The following PTGER3 variants were observed in gnomAD, a reference collection of about 807,000 sequenced individuals.
PTGER3 encodes prostaglandin E2 receptor EP3 subtype.
Under a neutral mutation model 34.7 loss-of-function variants are expected in PTGER3, and 22 were observed. That is an observed-to-expected ratio of 0.63 (90% CI 0.45 to 0.91). The LOEUF is 0.91. PTGER3 is among the 40% of genes least tolerant of loss of function. The pLI is 0.00. For synonymous variants in PTGER3, 241 were observed against 230.1 expected, an observed-to-expected ratio of 1.05 and a Z score of -0.43; for missense variants, 468 against 519.4, an observed-to-expected ratio of 0.90 and a Z score of 0.96.
chr1:71,001,268 G>A (rs532658601), intron 2 of PTGER3, among the ~76,000 whole-genome samples: 2 of 151,830 alleles, frequency 1.3e-5, no homozygotes, highest in Admixed American at 6.6e-5. Context: ...ACACAAATAA[G>A]CACAAGTGTA....
intron 3 of PTGER3, among the ~76,000 whole-genome samples, chr1:70,972,657 T>A (rs924959308): frequency 2.6e-5 from 4 of 152,126 alleles, no homozygotes; most frequent in African/African-American, 9.7e-5. Context: ...TAAGCTACAG[T>A]GTATTATTTA....
At chr1:70,872,154 T>G (rs975265484) in intron 4 of PTGER3, among the ~76,000 whole-genome samples, 1 of 152,158 alleles carries the variant, frequency 6.6e-6, no homozygotes, top group Non-Finnish European at 1.5e-5. Flanking sequence ...TTCCCATGAG[T>G]TTGAGGTTTA....
chr1:70,933,043 T>C (rs889724009), intron 4 of PTGER3, among the ~76,000 whole-genome samples: 1 of 152,180 alleles, frequency 6.6e-6, no homozygotes, highest in African/African-American at 2.4e-5. Context: ...TATTGTGTTA[T>C]AATTATTTAA....
chr1:71,004,286 G>C (rs1656744356), intron 2 of PTGER3, among the ~76,000 whole-genome samples: 2 of 152,052 alleles, frequency 1.3e-5, no homozygotes, highest in Non-Finnish European at 2.9e-5. Flanking sequence ...AGTGTGGTAG[G>C]TAAACCCATC....
intron 2 of PTGER3, chr1:70,997,201 G>C (rs1297234387): frequency 6.6e-6 from 1 of 152,214 alleles, no homozygotes; most frequent in Admixed American, 6.5e-5. Context: ...GAACCTGGGA[G>C]GTGAAAGATG....
rs1380364459 is a variant in PTGER3, at chr1:70,930,198, G to C, written c.*23+23565C>G. ...TTTGCAACACAGCTGTGTGGGACTG[G>C]GAACAAGAGGTGACTGAAGTTGGGG... On this transcript the variant is annotated intron_variant, in intron 4 of 4. Transcript: ENST00000370931. Among the ~76,000 whole-genome samples the C allele has an allele frequency of 2.0e-5, 3 of 152,154 alleles. No individual in the cohort carries two copies. In the East Asian group the frequency reaches 5.8e-4, roughly 29 times the overall value.
intron 4 of PTGER3, among the ~76,000 whole-genome samples, chr1:70,912,926 A>C (rs947001091): frequency 6.6e-6 from 1 of 151,970 alleles, no homozygotes; most frequent in Admixed American, 6.6e-5. Context: ...TTTGGAGTCA[A>C]GTAGTATAAG....
intron 4 of PTGER3, among the ~76,000 whole-genome samples, chr1:70,942,922 G>C (rs1347884686): frequency 6.6e-6 from 1 of 152,102 alleles, no homozygotes. Context: ...GTTGATTTTA[G>C]ACTTTTCACC....
At chr1:70,913,998 T>C (rs1449217863) in intron 4 of PTGER3, among the ~76,000 whole-genome samples, 15 of 151,900 alleles carry the variant, frequency 9.9e-5, no homozygotes, top group Non-Finnish European at 1.9e-4. Context: ...GCCAGCTTTA[T>C]AGAATGAGTT....
At chr1:71,011,544 A>G in intron 2 of PTGER3, 1 of 985,156 alleles carries the variant, frequency 1.0e-6, no homozygotes, top group Non-Finnish European at 1.2e-6. Flanking sequence ...AAAAGAAAGA[A>G]TAATTAGCAA....
intron 4 of PTGER3, among the ~76,000 whole-genome samples, chr1:70,861,525 A>G (rs1057312517): frequency 2.0e-5 from 3 of 152,204 alleles, no homozygotes; most frequent in Admixed American, 6.5e-5. Context: ...TTGCTAGGCT[A>G]CTTGCTTTTC....
At chr1:70,876,784 C>T (rs183588614) in intron 4 of PTGER3, among the ~76,000 whole-genome samples, 49 of 152,102 alleles carry the variant, frequency 3.2e-4, no homozygotes, top group African/African-American at 6.7e-4. Context: ...GCTTTACTTC[C>T]GGGCTTTCTA....
At chr1:70,893,934 A>C (rs183957921) in intron 4 of PTGER3, among the ~76,000 whole-genome samples, 18 of 152,342 alleles carry the variant, frequency 1.2e-4, no homozygotes, top group Non-Finnish European at 2.4e-4. Context: ...TAATCTACAC[A>C]TAACAGCCTT....
At chr1:70,902,868 A>T (rs990741270) in intron 4 of PTGER3, among the ~76,000 whole-genome samples, 6 of 152,152 alleles carry the variant, frequency 3.9e-5, no homozygotes, top group Non-Finnish European at 8.8e-5. Context: ...AGAAAAGAGA[A>T]ACACTCATAA....
At chr1:70,942,559 C>T (rs1357591640) in intron 4 of PTGER3, among the ~76,000 whole-genome samples, 2 of 152,186 alleles carry the variant, frequency 1.3e-5, no homozygotes, top group African/African-American at 4.8e-5. Context: ...GTTCTATCCA[C>T]AGGGTTATAC....
At chr1:71,024,634 T>C (rs375937443) in intron 1 of PTGER3, among the ~76,000 whole-genome samples, 1 of 135,664 alleles carries the variant, frequency 7.4e-6, no homozygotes, top group African/African-American at 2.6e-5. Context: ...CGACATTCTA[T>C]CCTTTTCTTT....
chr1:71,039,368 T>C (rs1351385528), intron 1 of PTGER3, among the ~76,000 whole-genome samples: 2 of 151,854 alleles, frequency 1.3e-5, no homozygotes, highest in African/African-American at 2.4e-5. Flanking sequence ...TGAATTACAA[T>C]ACCTTATAAA....
At chr1:70,887,300 G>A (rs1045296882) in intron 4 of PTGER3, among the ~76,000 whole-genome samples, 4 of 152,164 alleles carry the variant, frequency 2.6e-5, no homozygotes, top group Admixed American at 1.3e-4. Context: ...CACTTTTCAT[G>A]CATGACTTGG....
chr1:70,872,799 C>T (rs1032945462), intron 4 of PTGER3, among the ~76,000 whole-genome samples: 1 of 152,170 alleles, frequency 6.6e-6, no homozygotes, highest in Non-Finnish European at 1.5e-5. Context: ...TAGAGTTGTG[C>T]TGAATTCCTA....
Sources: gnomAD v4.1 joint callset for allele counts (sites outside exome capture counted in the v4.1 genomes callset) on GRCh38, gnomAD v4.1.1 for gene constraint, MANE v1.5 for transcripts, NCBI Gene and HGNC (gene_info 2026-07-23, HGNC 2026-07-21) for gene names.